POLB: variants seen among roughly 807,000 people sequenced by gnomAD.
The protein encoded by POLB is 5'-dRP lyase.
POLB carries 37 observed loss-of-function variants against 52.7 expected under a neutral mutation model. That is an observed-to-expected ratio of 0.70 (90% CI 0.54 to 0.92). The LOEUF is 0.92. Among genes scored for constraint, POLB ranks in the 40% least tolerant of loss-of-function variants. POLB has a pLI of 0.00. For missense variants in POLB, 313 were observed against 400.8 expected (o/e 0.78, Z 1.87); for synonymous variants, 138 against 131.3 (o/e 1.05, Z -0.35).
Position 42,350,068 on chromosome 8 carries a change from A to G in POLB, c.320+3A>G. The stretch of plus-strand genomic sequence containing the variant: ...CTGACTCGAGTTAGTGGCATTGGGT[A>G]AGAACTATTTTTTAAGCAGACACAA... On this transcript the variant is annotated splice_donor_region_variant and intron_variant, in intron 5 of 13. Coordinates refer to ENST00000265421, the MANE Select transcript of POLB (RefSeq NM_002690.3). The G allele has an allele frequency of 1.3e-6, 2 of 1,573,486 alleles. No homozygotes were observed. The highest frequency in any genetic ancestry group is 8.7e-7 in the Non-Finnish European group (1 of 1,142,958).
intron 6 of POLB, among the ~76,000 whole-genome samples, chr8:42,355,042 T>C (rs1823216411): frequency 1.3e-5 from 2 of 152,026 alleles, no homozygotes; most frequent in South Asian, 2.1e-4. Context: ...TTTTTTGTTG[T>C]CGTTGTTGTT....
chr8:42,362,806 G>C (rs1823785172), intron 11 of POLB, 108 bp downstream of exon 11: 3 of 625,980 alleles, frequency 4.8e-6, no homozygotes, highest in East Asian at 5.8e-5. Context: ...TCACCAAATA[G>C]AGTATCCATG....
chr8:42,366,380 A>G (rs945927165), intron 11 of POLB, among the ~76,000 whole-genome samples: 1 of 152,244 alleles, frequency 6.6e-6, no homozygotes, highest in Admixed American at 6.5e-5. Flanking sequence ...AGGCTAAAAA[A>G]CAAGAAGACT....
At chr8:42,359,776 A>G (rs1303768537) in intron 9 of POLB, among the ~76,000 whole-genome samples, 1 of 150,694 alleles carries the variant, frequency 6.6e-6, no homozygotes, top group Non-Finnish European at 1.5e-5. Flanking sequence ...TTCTTTGCTC[A>G]TACACTTTGT....
At position 42,355,495 on chromosome 8, in the gene POLB, CTTTA is replaced by C; in HGVS notation, c.371-15_371-12del. 1.4e-6 allele frequency: 2 copies of C among 1,400,454 alleles called. No homozygotes were observed. The highest frequency in any genetic ancestry group is 2.0e-6 in the Non-Finnish European group (2 of 1,000,094). The allele number at this position is 1,400,454 out of a possible 1,614,324, so 86.8% of individuals were successfully genotyped here. On this transcript the variant is annotated splice_polypyrimidine_tract_variant and intron_variant, in intron 6 of 13. Transcript: ENST00000265421. ...AAAAGCATTTAAATTAACATGTCAA[CTTTA>C]TTTATCTTCTATACAGATCTCAGAA... is the stretch of plus-strand genomic sequence containing the variant.
chr8:42,366,625 A>G (rs1017867410), intron 11 of POLB, among the ~76,000 whole-genome samples: 5 of 152,208 alleles, frequency 3.3e-5, no homozygotes, highest in Non-Finnish European at 7.3e-5. Context: ...TCAACTTTCA[A>G]ATCAATTTTA....
chr8:42,369,812 A>G, intron 12 of POLB, 37 bp from the exon 13 acceptor site: 4 of 1,462,362 alleles, frequency 2.7e-6, no homozygotes, highest in African/African-American at 1.4e-5. Context: ...CTTGAAATGC[A>G]TGGTAAAAAA....
intron 2 of POLB, among the ~76,000 whole-genome samples, chr8:42,340,551 A>G (rs2130768022): frequency 6.6e-6 from 1 of 152,350 alleles, no homozygotes; most frequent in Admixed American, 6.5e-5. Flanking sequence ...GGCATTTCAG[A>G]TAAGGGATAG....
intron 6 of POLB, among the ~76,000 whole-genome samples, chr8:42,352,895 T>G (rs1823061392): frequency 6.6e-6 from 1 of 151,812 alleles, no homozygotes; most frequent in Admixed American, 6.6e-5. Flanking sequence ...GCCAACATGG[T>G]GAAACCCCAT....
rs1230306464 is a variant in POLB, at chr8:42,338,508, C to G, written c.-117C>G. On this transcript the variant is annotated 5_prime_UTR_variant, in exon 1 of 14. Coordinates refer to ENST00000265421, the MANE Select transcript of POLB (RefSeq NM_002690.3). ...CGGGGGCAACCATTGTTCCGCCGGT[C>G]GCGCCGGAGCTGGGTTGCTCCTGCT... 7 of 867,856 alleles carry G rather than the reference C, an allele frequency of 8.1e-6. No individual in the cohort carries two copies. Among genetic ancestry groups the G allele is most frequent in the Admixed American group, 5.9e-5 (3 of 50,934 alleles). The allele number at this position is 867,856 out of a possible 1,614,324, so 53.8% of individuals were successfully genotyped here.
At chr8:42,343,374 A>ACAC (rs1585868443) in intron 2 of POLB, among the ~76,000 whole-genome samples, 5 of 115,258 alleles carry the variant, frequency 4.3e-5, no homozygotes, top group Admixed American at 2.1e-4. Flanking sequence ...ATATATACAC[A>ACAC]AAATTAGCCA....
At chr8:42,357,939 A>T (rs1301242088) in intron 9 of POLB, 1 of 152,172 alleles carries the variant, frequency 6.6e-6, no homozygotes, top group South Asian at 2.1e-4. Flanking sequence ...GTTTGCCAGG[A>T]TGGTCTCAAT....
At chr8:42,341,438 A>G (rs975515822) in intron 2 of POLB, among the ~76,000 whole-genome samples, 1 of 152,218 alleles carries the variant, frequency 6.6e-6, no homozygotes, top group Non-Finnish European at 1.5e-5. Context: ...TTCAAATCCA[A>G]ATATAAAGGG....
intron 11 of POLB, among the ~76,000 whole-genome samples, chr8:42,366,518 ACCT>A (rs1441747857): frequency 6.6e-6 from 1 of 152,196 alleles, no homozygotes; most frequent in Non-Finnish European, 1.5e-5. Context: ...TGGATGTTAT[ACCT>A]GTGGTTCATA....
chr8:42,345,987 T>C (rs1376652117), intron 3 of POLB, among the ~76,000 whole-genome samples: 1 of 152,194 alleles, frequency 6.6e-6, no homozygotes, highest in Non-Finnish European at 1.5e-5. Context: ...AGTGGCACGA[T>C]CTTGGGTCAC....
At chr8:42,355,275 T>C (rs1823236422) in intron 6 of POLB, among the ~76,000 whole-genome samples, 1 of 152,240 alleles carries the variant, frequency 6.6e-6, no homozygotes, top group South Asian at 2.1e-4. Flanking sequence ...CCTGACCTTG[T>C]GATCCGCCCG....
intron 11 of POLB, among the ~76,000 whole-genome samples, chr8:42,362,905 G>A (rs3136780): frequency 0.24 from 36,161 of 151,684 alleles, 8,396 homozygotes; most frequent in African/African-American, 0.61. Flanking sequence ...CGGGTGGATC[G>A]CCTGAGGTCG....
chr8:42,347,240 C>G (rs1487894095), intron 3 of POLB, among the ~76,000 whole-genome samples: 1 of 151,096 alleles, frequency 6.6e-6, no homozygotes, highest in South Asian at 2.1e-4. Flanking sequence ...TGCTATCTAG[C>G]CCATTTCTGG....
At chr8:42,354,198 C>T (rs539598832) in intron 6 of POLB, among the ~76,000 whole-genome samples, 1 of 152,308 alleles carries the variant, frequency 6.6e-6, no homozygotes, top group Admixed American at 6.5e-5. Context: ...CTATATCTGT[C>T]TAACATACTC....
Sources: allele counts gnomAD v4.1 joint callset (sites outside exome capture counted in the v4.1 genomes callset), GRCh38; gene constraint gnomAD v4.1.1; transcripts MANE v1.5; gene names NCBI Gene and HGNC (gene_info 2026-07-23, HGNC 2026-07-21).